The following PPP4R3B variants were observed in gnomAD, a reference collection of about 807,000 sequenced individuals.
PPP4R3B encodes serine/threonine-protein phosphatase 4 regulatory subunit 3B.
A neutral mutation model predicts 95.4 loss-of-function variants in PPP4R3B; 52 were observed. The observed-to-expected ratio is 0.54, with a 90% CI of 0.44 to 0.69. PPP4R3B has a LOEUF of 0.69. Ranked by LOEUF, PPP4R3B falls within the 30% of genes least tolerant of loss-of-function variation. PPP4R3B has a pLI of 0.00. For synonymous variants in PPP4R3B, 407 were observed against 343.9 expected (o/e 1.18, Z -2.03); for missense variants, 1,003 against 1,005.9 (o/e 1.00, Z 0.04).
chr2:55,561,588 C>T (rs1324426171), intron 15 of PPP4R3B, among the ~76,000 whole-genome samples: 1 of 152,256 alleles, frequency 6.6e-6, no homozygotes, highest in African/African-American at 2.4e-5. Context: ...GCGAAGCCAG[C>T]CATGGCCCTG....
chr2:55,610,869 GTTTT>G (rs11413034), intron 2 of PPP4R3B, among the ~76,000 whole-genome samples: 6 of 140,498 alleles, frequency 4.3e-5, no homozygotes, highest in African/African-American at 7.9e-5. Flanking sequence ...TATGACTCTG[GTTTT>G]TTTTTTTTTT....
At chr2:55,597,345 G>A (rs1407135486) in intron 4 of PPP4R3B, among the ~76,000 whole-genome samples, 1 of 152,062 alleles carries the variant, frequency 6.6e-6, no homozygotes, top group Non-Finnish European at 1.5e-5. Flanking sequence ...AAATTGGGCT[G>A]GGCGGGGTGG....
chr2:55,565,372 T>C (rs1687156110), intron 13 of PPP4R3B, among the ~76,000 whole-genome samples: 1 of 151,820 alleles, frequency 6.6e-6, no homozygotes, highest in Admixed American at 6.6e-5. Context: ...AAAATTTCAT[T>C]TGATCTTCAC....
chr2:55,601,305 G>A (rs1043200529), intron 3 of PPP4R3B, among the ~76,000 whole-genome samples: 2 of 152,046 alleles, frequency 1.3e-5, no homozygotes, highest in Admixed American at 1.3e-4. Flanking sequence ...ATGGGAGCCT[G>A]TAAGCTTTGA....
At chr2:55,605,708 C>A (rs777660636) in intron 2 of PPP4R3B, among the ~76,000 whole-genome samples, 3 of 152,048 alleles carry the variant, frequency 2.0e-5, no homozygotes, top group Admixed American at 6.6e-5. Flanking sequence ...GAGATGAAGA[C>A]CATCCTGGCC....
intron 4 of PPP4R3B, among the ~76,000 whole-genome samples, chr2:55,597,730 G>A (rs1354810662): frequency 6.6e-6 from 1 of 152,172 alleles, no homozygotes; most frequent in Non-Finnish European, 1.5e-5. Flanking sequence ...GAACCCAGGA[G>A]GCAGAGGTTG....
At chr2:55,601,225 C>G (rs1692562308) in intron 3 of PPP4R3B, among the ~76,000 whole-genome samples, 1 of 150,276 alleles carries the variant, frequency 6.7e-6, no homozygotes, top group African/African-American at 2.4e-5. Context: ...TCAGTTATAA[C>G]AGATGCCTGG....
intron 10 of PPP4R3B, among the ~76,000 whole-genome samples, chr2:55,577,734 C>T (rs2104168110): frequency 1.3e-5 from 2 of 151,550 alleles, no homozygotes; most frequent in East Asian, 1.9e-4. Context: ...TTTGATTATC[C>T]ATTATACATC....
At chr2:55,609,662 T>G (rs1342977006) in intron 2 of PPP4R3B, among the ~76,000 whole-genome samples, 2 of 139,726 alleles carry the variant, frequency 1.4e-5, no homozygotes, top group African/African-American at 2.6e-5. Flanking sequence ...AGCAAGACTG[T>G]GTCTCAAAAA....
intron 2 of PPP4R3B, among the ~76,000 whole-genome samples, chr2:55,611,724 A>T (rs1202818180): frequency 6.6e-6 from 1 of 152,126 alleles, no homozygotes; most frequent in Non-Finnish European, 1.5e-5. Flanking sequence ...TTCCCCTCTG[A>T]ATTTACTCAA....
chr2:55,602,796 ATTTTG>A lies in PPP4R3B; in HGVS notation c.297+1177_297+1181del, dbSNP rs1361893982. ...CCCACTGGTTATTGGAATCTGTATCATTTTGCTATAATAAACTGTAACTGTGAGTA... is the reference window on the plus strand; with the variant it reads ...CCCACTGGTTATTGGAATCTGTATCACTATAATAAACTGTAACTGTGAGTA... On this transcript the variant is annotated intron_variant, in intron 3 of 16. Transcript: ENST00000616407. Among the ~76,000 whole-genome samples the A allele has an allele frequency of 2.3e-4, 35 of 152,262 alleles. 1 individual carries two copies. The highest frequency in any genetic ancestry group is 6.5e-4 in the African/African-American group (27 of 41,522).
Position 55,574,935 on chromosome 2 carries a change from CTTTT to C in PPP4R3B, c.1607-1162_1607-1159del, listed in dbSNP as rs70954131. Among the ~76,000 whole-genome samples the C allele has an allele frequency of 6.9e-4, 69 of 99,318 alleles. 1 individual carries two copies. The East Asian group carries it at 0.011, about 15-fold the overall frequency. 65.2% of individuals were successfully genotyped at this position (99,318 alleles called of 152,430 possible). On this transcript the variant is annotated intron_variant, in intron 11 of 16. Transcript: ENST00000616407. ...TTTAATATAATTTCATATACAACTT[CTTTT>C]TTTTTTTTTTTTTTTTGAGACGGAG...
intron 13 of PPP4R3B, among the ~76,000 whole-genome samples, chr2:55,565,399 A>G (rs926700509): frequency 1.3e-5 from 2 of 151,996 alleles, no homozygotes; most frequent in African/African-American, 4.8e-5. Flanking sequence ...TCTATGAGAT[A>G]GGTTTTATTA....
At chr2:55,561,068 G>A (rs1047501596) in intron 15 of PPP4R3B, among the ~76,000 whole-genome samples, 6 of 152,094 alleles carry the variant, frequency 3.9e-5, no homozygotes, top group Admixed American at 2.0e-4. Flanking sequence ...TTGTGAGCTG[G>A]GCCCAGGGCC....
intron 12 of PPP4R3B, 24 bp downstream of exon 12, chr2:55,573,595 C>T (rs923473346): frequency 3.3e-6 from 5 of 1,515,618 alleles, no homozygotes; most frequent in East Asian, 2.5e-5. Flanking sequence ...AAAAATGTTG[C>T]TCCTTAAAAC....
chr2:55,600,832 A>G (rs913720380), intron 3 of PPP4R3B, among the ~76,000 whole-genome samples: 1 of 152,288 alleles, frequency 6.6e-6, no homozygotes, highest in African/African-American at 2.4e-5. Context: ...ACATGAAAAA[A>G]TGAGTAATGT....
chr2:55,591,507 C>T, intron 4 of PPP4R3B: 1 of 981,674 alleles, frequency 1.0e-6, no homozygotes, highest in Non-Finnish European at 1.2e-6. Context: ...ATATTTACCT[C>T]CATTCACACC....
chr2:55,572,713 C>T (rs1046149502), intron 12 of PPP4R3B, among the ~76,000 whole-genome samples: 1 of 151,996 alleles, frequency 6.6e-6, no homozygotes, highest in Non-Finnish European at 1.5e-5. Flanking sequence ...AGAATCTATC[C>T]TATAGAAAGA....
At chr2:55,555,398 CACT>C in intron 16 of PPP4R3B, among the ~76,000 whole-genome samples, 2 of 151,446 alleles carry the variant, frequency 1.3e-5, no homozygotes, top group East Asian at 3.9e-4. Context: ...CTAAGATCAC[CACT>C]TGAGTAAAGT....
Sources: allele counts gnomAD v4.1 joint callset (sites outside exome capture counted in the v4.1 genomes callset), GRCh38; gene constraint gnomAD v4.1.1; transcripts MANE v1.5; gene names NCBI Gene and HGNC (gene_info 2026-07-23, HGNC 2026-07-21).